The following FANCD2 variants were observed in gnomAD, a reference collection of about 807,000 sequenced individuals.
The protein encoded by FANCD2 is FA complementation group D2.
A neutral mutation model predicts 192.3 loss-of-function variants in FANCD2; 131 were observed. The observed-to-expected ratio is 0.68, with a 90% CI of 0.59 to 0.79. The LOEUF is 0.79. Among genes scored for constraint, FANCD2 ranks in the 30% least tolerant of loss-of-function variants. FANCD2 has a pLI of 0.00. For synonymous variants in FANCD2, 524 were observed against 612.5 expected, an observed-to-expected ratio of 0.86 and a Z score of 2.13; for missense variants, 1,508 against 1,701.6, an observed-to-expected ratio of 0.89 and a Z score of 2.00.
intron 37 of FANCD2, among the ~76,000 whole-genome samples, 184 bp from the exon 38 acceptor site, chr3:10,091,997 T>C (rs891321368): frequency 9.9e-5 from 15 of 152,236 alleles, no homozygotes; most frequent in African/African-American, 3.4e-4. Context: ...TGAGGTGTTC[T>C]AATGTTACCA....
chr3:10,064,730 G>A lies in FANCD2; in HGVS notation c.2023G>A (p.Asp675Asn), dbSNP rs149564544. 3.1e-6 allele frequency: 5 copies of A among 1,614,022 alleles called. No individual in the cohort carries two copies. In the African/African-American group the frequency reaches 5.3e-5, roughly 17 times the overall value. The change falls in exon 23 of 44, where the codon GAC (aspartate) becomes AAC (asparagine). Residue 675 changes from aspartate to asparagine, a missense_variant and splice_region_variant. Coordinates refer to ENST00000675286, the MANE Select transcript of FANCD2 (RefSeq NM_001018115.3). ...TCAGATTCTGGTTTTTCTCCGCAGT[G>A]ACTTTCCATTTCCTGTGAAAGCACT... The part of the protein sequence containing the change: ...VVDSCVVPEG[D>N]FPFPVKALYG...
At chr3:10,041,353 T>TA (rs1438237779) in intron 9 of FANCD2, 1 of 387,322 alleles carries the variant, frequency 2.6e-6, no homozygotes, top group African/African-American at 2.1e-5. Flanking sequence ...GAAGGATACA[T>TA]ACCAAACTAA....
At chr3:10,042,935 C>A in intron 11 of FANCD2, 115 bp from the exon 12 acceptor site, 2 of 959,090 alleles carry the variant, frequency 2.1e-6, no homozygotes, top group South Asian at 1.4e-5. Flanking sequence ...AAATGTCCAA[C>A]ATTTAAATTT....
At chr3:10,054,362 TATATACGTGTATATAC>T (rs2087314481) in intron 18 of FANCD2, among the ~76,000 whole-genome samples, 5 of 110,234 alleles carry the variant, frequency 4.5e-5, no homozygotes, top group African/African-American at 2.7e-4. Flanking sequence ...CGTATATATA[TATATACGTGTATATAC>T]ATATATATAT....
chr3:10,035,281 G>A (rs373802239), intron 6 of FANCD2, 48 bp downstream of exon 6: 60 of 1,513,894 alleles, frequency 4.0e-5, no homozygotes, highest in Non-Finnish European at 5.4e-5. Context: ...GAGGTTTGTG[G>A]TGTATGCTCA....
At chr3:10,099,061 C>T (rs999607785) in intron 43 of FANCD2, 3 of 1,579,892 alleles carry the variant, frequency 1.9e-6, no homozygotes, top group Non-Finnish European at 2.6e-6. Context: ...TGACAATTTT[C>T]TGCATTATAG....
chr3:10,033,631 T>C (rs1050961137), intron 3 of FANCD2, among the ~76,000 whole-genome samples: 1 of 151,598 alleles, frequency 6.6e-6, no homozygotes, highest in Non-Finnish European at 1.5e-5. Flanking sequence ...CAGATTATTC[T>C]ATCTTGCTAA....
intron 2 of FANCD2, among the ~76,000 whole-genome samples, chr3:10,031,292 A>T (rs1183007417): frequency 6.6e-6 from 1 of 152,146 alleles, no homozygotes; most frequent in Non-Finnish European, 1.5e-5. Flanking sequence ...TCACGAGGTC[A>T]GGAGATTGAG....
intron 41 of FANCD2, 70 bp from the exon 42 acceptor site, chr3:10,096,256 G>T: frequency 6.6e-7 from 1 of 1,512,358 alleles, no homozygotes; most frequent in South Asian, 1.1e-5. Flanking sequence ...AACATTCAAA[G>T]GTTTCTATAA....
Position 10,067,231 on chromosome 3 carries a change from A to G in FANCD2, c.2408A>G (p.Glu803Gly). 1 of 1,612,708 alleles carries G rather than the reference A, an allele frequency of 6.2e-7. No individual in the cohort carries two copies. The change falls in exon 26 of 44, where the codon GAA becomes GGA. Residue 803 changes from glutamate to glycine, a missense_variant. By Grantham distance (98) the Glu-to-Gly change is moderately conservative. This residue lies in a region of FANCD2 where 796 missense variants were observed against 879.4 expected (regional missense o/e 0.91). Coordinates refer to ENST00000675286, the MANE Select transcript of FANCD2 (RefSeq NM_001018115.3). ...CAGATTGTAAATGCCTTCTGCCAGGAAACATCACCTGAGATGAAGGGGAAG... is the reference window on the plus strand; with the variant it reads ...CAGATTGTAAATGCCTTCTGCCAGGGAACATCACCTGAGATGAAGGGGAAG... Reference protein sequence around the residue: ...FREIVNAFCQETSPEMKGKVL... With the variant: ...FREIVNAFCQGTSPEMKGKVL...
intron 26 of FANCD2, among the ~76,000 whole-genome samples, chr3:10,070,685 A>G (rs1281569131): frequency 1.4e-5 from 2 of 144,214 alleles, no homozygotes; most frequent in Middle Eastern, 3.7e-3. Flanking sequence ...GTGGAATAGA[A>G]AGGGGGGAAA....
chr3:10,042,062 T>C (rs1021667917), intron 10 of FANCD2, among the ~76,000 whole-genome samples: 2 of 152,068 alleles, frequency 1.3e-5, no homozygotes, highest in Admixed American at 6.6e-5. Flanking sequence ...CACTCCCGGC[T>C]AATTTTTGTA....
chr3:10,060,614 G>A (rs1199147710), intron 19 of FANCD2, among the ~76,000 whole-genome samples: 1 of 152,216 alleles, frequency 6.6e-6, no homozygotes, highest in East Asian at 1.9e-4. Context: ...ATTACAGTCT[G>A]TGGTTAAAAA....
intron 26 of FANCD2, among the ~76,000 whole-genome samples, chr3:10,069,459 G>GGCTCCCCCCCCC (rs758011243): frequency 4.6e-5 from 6 of 129,428 alleles, no homozygotes; most frequent in South Asian, 2.3e-4. Context: ...TAGTTAAGAT[G>GGCTCCCCCCCCC]CCTCTCCCCC....
rs71314388 is a variant in FANCD2, at chr3:10,077,931, G to A, written c.2860-150G>A. On this transcript the variant is annotated intron_variant, in intron 29 of 43. Coordinates refer to ENST00000675286, the MANE Select transcript of FANCD2 (RefSeq NM_001018115.3). ...TGCCTATAGTCCCCGCTACTCGGGA[G>A]GCTGAGATGGGAGGATAACTTGGGC... is the stretch of plus-strand genomic sequence containing the variant. 11,494 of 719,956 alleles carry A rather than the reference G, an allele frequency of 0.016. 165 individuals are homozygous for A. The highest frequency in any genetic ancestry group is 0.017 in the Non-Finnish European group (6,756 of 387,592). The allele number at this position is 719,956 out of a possible 1,614,324, so 44.6% of individuals were successfully genotyped here.
intron 7 of FANCD2, 129 bp downstream of exon 7, chr3:10,036,468 A>G: frequency 1.5e-6 from 1 of 689,170 alleles, no homozygotes; most frequent in East Asian, 2.8e-5. Context: ...AGTGACTACT[A>G]AAATTTTACT....
At chr3:10,087,675 TC>T (rs1343642360) in intron 34 of FANCD2, among the ~76,000 whole-genome samples, 1 of 151,634 alleles carries the variant, frequency 6.6e-6, no homozygotes, top group Non-Finnish European at 1.5e-5. Context: ...TGAGACAGAG[TC>T]TCGTTCTGTC....
chr3:10,069,114 A>G (rs1419102910), intron 26 of FANCD2, among the ~76,000 whole-genome samples: 1 of 152,198 alleles, frequency 6.6e-6, no homozygotes, highest in African/African-American at 2.4e-5. Flanking sequence ...AATACCCTAC[A>G]AGCACAGGCA....
At chr3:10,047,433 T>G in intron 15 of FANCD2, among the ~76,000 whole-genome samples, 1 of 152,298 alleles carries the variant, frequency 6.6e-6, no homozygotes, top group Admixed American at 6.5e-5. Flanking sequence ...TATTAACTGG[T>G]TATTTAGTCT....
Sources: gnomAD v4.1 joint callset for allele counts (sites outside exome capture counted in the v4.1 genomes callset) on GRCh38, gnomAD v4.1.1 for gene constraint, gnomAD v4.1.1 regional missense constraint, MANE v1.5 for transcripts, NCBI Gene and HGNC (gene_info 2026-07-23, HGNC 2026-07-21) for gene names.